Variants in WNT9B observed in about 807,000 individuals in gnomAD.
The protein encoded by WNT9B is Wnt family member 9B.
Under a neutral mutation model 30.2 loss-of-function variants are expected in WNT9B, and 12 were observed. The ratio of observed to expected loss-of-function variants is 0.40; its 90% CI spans 0.26 to 0.64. The LOEUF (loss-of-function observed/expected upper bound fraction) is 0.64. WNT9B is among the 30% of genes least tolerant of loss of function. The pLI is 0.42. For missense variants in WNT9B, 442 were observed against 485.2 expected (o/e 0.91, Z 0.84); for synonymous variants, 218 against 216.9 (o/e 1.01, Z -0.05).
In WNT9B at chr17:46,878,035, C is replaced by A. The variant is rs1465894273; in HGVS notation, c.*1317C>A. Reference sequence around the variant, plus strand: ...GGAGAGACTGGTACCTCCACACAGGCACACATGGATGCACAGCCCCTGGAC... The same window carrying A: ...GGAGAGACTGGTACCTCCACACAGGAACACATGGATGCACAGCCCCTGGAC... On this transcript the variant is annotated 3_prime_UTR_variant, in exon 4 of 4. Transcript: ENST00000290015. 1.3e-5 allele frequency among the ~76,000 whole-genome samples: 2 copies of A among 152,226 alleles called. No homozygotes were observed. Among genetic ancestry groups the A allele is most frequent in the Non-Finnish European group, 2.9e-5 (2 of 68,038 alleles).
intron 2 of WNT9B, among the ~76,000 whole-genome samples, chr17:46,873,691 T>C (rs1230142813): frequency 6.6e-6 from 1 of 151,074 alleles, no homozygotes; most frequent in Non-Finnish European, 1.5e-5. Context: ...AAACCCCGTC[T>C]CTACTAAAAA....
chr17:46,858,840 A>T (rs536628159), intron 1 of WNT9B, among the ~76,000 whole-genome samples: 30 of 151,754 alleles, frequency 2.0e-4, no homozygotes, highest in Non-Finnish European at 3.7e-4. Flanking sequence ...CTAATTTTTT[A>T]TTTTTTTGTA....
intron 2 of WNT9B, 34 bp downstream of exon 2, chr17:46,872,807 G>T: frequency 6.8e-7 from 1 of 1,479,390 alleles, no homozygotes; most frequent in South Asian, 1.2e-5. Flanking sequence ...GGGAGGGCTG[G>T]GGGAAGAAGC....
At chr17:46,881,813 C>T (rs2085426462), downstream of WNT9B, among the ~76,000 whole-genome samples, 1 of 152,210 alleles carries the variant, frequency 6.6e-6, no homozygotes, top group South Asian at 2.1e-4. Context: ...TGTTGAATCA[C>T]TTGTGAGACC....
upstream of WNT9B, among the ~76,000 whole-genome samples, chr17:46,850,349 G>T (rs532203135): frequency 6.6e-6 from 1 of 152,124 alleles, no homozygotes; most frequent in African/African-American, 2.4e-5. Context: ...TAATCACTGC[G>T]CTCATTTGAC....
At chr17:46,884,956 C>T, downstream of WNT9B, 1 of 399,698 alleles carries the variant, frequency 2.5e-6, no homozygotes, top group South Asian at 1.8e-5. Context: ...TCCTGCAACC[C>T]ATCAAATAGT....
At chr17:46,883,496 G>GCTGAC (rs1244149044), downstream of WNT9B, among the ~76,000 whole-genome samples, 2 of 151,702 alleles carry the variant, frequency 1.3e-5, no homozygotes, top group Non-Finnish European at 2.9e-5. Flanking sequence ...TGTTGGCCAG[G>GCTGAC]CTGGTCTTGA....
downstream of WNT9B, among the ~76,000 whole-genome samples, chr17:46,881,365 C>A (rs1036068375): frequency 6.6e-6 from 1 of 152,258 alleles, no homozygotes; most frequent in Admixed American, 6.5e-5. Flanking sequence ...ATGACAGACA[C>A]GTCCACATGC....
At chr17:46,839,035 G>T (rs1026728492) in intron 1 of WNT9B, among the ~76,000 whole-genome samples, 1 of 152,006 alleles carries the variant, frequency 6.6e-6, no homozygotes, top group Non-Finnish European at 1.5e-5. Context: ...CCGCCACCAT[G>T]CCCAGCTAAT....
intron 1 of WNT9B, among the ~76,000 whole-genome samples, chr17:46,855,248 C>T (rs1489411731): frequency 3.3e-5 from 5 of 152,174 alleles, no homozygotes; most frequent in Admixed American, 2.6e-4. Context: ...AGGGAGCCTC[C>T]CTTCCCTGCT....
chr17:46,874,878 T>C (rs1884336903), intron 2 of WNT9B: 1 of 695,528 alleles, frequency 1.4e-6, no homozygotes. Context: ...GTGCCCAGCC[T>C]GGAAGTTCCA....
intron 1 of WNT9B, among the ~76,000 whole-genome samples, chr17:46,870,576 G>A (rs2085224094): frequency 6.6e-6 from 1 of 152,104 alleles, no homozygotes; most frequent in African/African-American, 2.4e-5. Context: ...TCGGAGATAT[G>A]CTCCATGATG....
intron 1 of WNT9B, among the ~76,000 whole-genome samples, chr17:46,841,836 G>A (rs1474113027): frequency 3.3e-5 from 5 of 152,234 alleles, no homozygotes; most frequent in African/African-American, 9.6e-5. Context: ...CGCGTTTGCC[G>A]TGTGCAAAGT....
At chr17:46,858,323 T>C (rs1013856943) in intron 1 of WNT9B, among the ~76,000 whole-genome samples, 1 of 152,200 alleles carries the variant, frequency 6.6e-6, no homozygotes, top group Admixed American at 6.5e-5. Context: ...CTTATTGATG[T>C]CTTATGAAGA....
chr17:46,866,036 ATAG>A (rs1314772737), intron 1 of WNT9B, among the ~76,000 whole-genome samples: 1 of 152,218 alleles, frequency 6.6e-6, no homozygotes, highest in Non-Finnish European at 1.5e-5. Context: ...AAGGTTGGAA[ATAG>A]TAGCTTCCGA....
chr17:46,882,524 C>T (rs1409738044), downstream of WNT9B, among the ~76,000 whole-genome samples: 3 of 152,082 alleles, frequency 2.0e-5, no homozygotes, highest in African/African-American at 7.2e-5. Flanking sequence ...CAACCTCCAC[C>T]TCCTAGGTTC....
At chr17:46,834,563 T>C (rs2146509444) in intron 1 of WNT9B, among the ~76,000 whole-genome samples, 1 of 152,100 alleles carries the variant, frequency 6.6e-6, no homozygotes, top group East Asian at 1.9e-4. Context: ...TCAAGAACGG[T>C]CAACTCTAGC....
intron 1 of WNT9B, among the ~76,000 whole-genome samples, chr17:46,842,497 C>T (rs1385667373): frequency 1.3e-5 from 2 of 152,164 alleles, no homozygotes; most frequent in Non-Finnish European, 2.9e-5. Flanking sequence ...GCCTCAGCCT[C>T]CCGAGTAGCT....
intron 1 of WNT9B, among the ~76,000 whole-genome samples, chr17:46,838,144 C>G (rs575768095): frequency 6.6e-6 from 1 of 152,244 alleles, no homozygotes; most frequent in South Asian, 2.1e-4. Context: ...CAAAAGCCTT[C>G]TCTGTGTCAC....
Sources: gnomAD v4.1 joint callset for allele counts (sites outside exome capture counted in the v4.1 genomes callset) on GRCh38, gnomAD v4.1.1 for gene constraint, MANE v1.5 for transcripts, NCBI Gene and HGNC (gene_info 2026-07-23, HGNC 2026-07-21) for gene names.